TMOD2: variants seen among roughly 807,000 people sequenced by gnomAD.
TMOD2 encodes the protein tropomodulin-2.
In TMOD2, 22 loss-of-function variants were observed where a neutral mutation model predicts 39.9. The observed-to-expected ratio is 0.55, with a 90% CI of 0.39 to 0.79. The LOEUF (loss-of-function observed/expected upper bound fraction) is 0.79, where lower values mean the gene tolerates loss of function less well. Among genes scored for constraint, TMOD2 ranks in the 30% least tolerant of loss-of-function variants. The probability of loss-of-function intolerance (pLI) is 0.00; values close to 1 mark genes in which losing one functional copy is unlikely to be tolerated. For missense variants in TMOD2, 386 were observed against 413.3 expected (o/e 0.93, Z 0.57); for synonymous variants, 123 against 146.1 (o/e 0.84, Z 1.14).
intron 3 of TMOD2, among the ~76,000 whole-genome samples, chr15:51,772,442 G>A (rs867573165): frequency 1.3e-5 from 2 of 152,178 alleles, no homozygotes; most frequent in Admixed American, 6.5e-5. Flanking sequence ...GGCCTGGCTC[G>A]AAGTTAGGAG....
Position 51,798,185 on chromosome 15 carries a change from T to G in TMOD2, c.733-12T>G, listed in dbSNP as rs757900807. On this transcript the variant is annotated splice_polypyrimidine_tract_variant and intron_variant, in intron 7 of 9. Coordinates refer to ENST00000249700, the MANE Select transcript of TMOD2 (RefSeq NM_014548.4). ...ACTTAATTCTAAGTTTTTTTTCTTT[T>G]TGCATCATAAGGCTTTTGCAGACAT... The G allele has an allele frequency of 6.4e-7, 1 of 1,568,084 alleles. No individual in the cohort carries two copies. Among genetic ancestry groups the G allele is most frequent in the African/African-American group, 1.4e-5 (1 of 71,952 alleles).
chr15:51,790,899 T>C (rs1367856662), intron 7 of TMOD2, among the ~76,000 whole-genome samples: 2 of 152,188 alleles, frequency 1.3e-5, no homozygotes, highest in Admixed American at 6.5e-5. Flanking sequence ...GCCAATATTA[T>C]ACTGAATGGG....
intron 5 of TMOD2, among the ~76,000 whole-genome samples, chr15:51,777,775 G>C (rs1368763340): frequency 6.6e-6 from 1 of 152,176 alleles, no homozygotes; most frequent in African/African-American, 2.4e-5. Flanking sequence ...GAATCCAGCA[G>C]CACATCAAAA....
At chr15:51,769,832 C>G (rs1369667997) in intron 3 of TMOD2, among the ~76,000 whole-genome samples, 1 of 152,008 alleles carries the variant, frequency 6.6e-6, no homozygotes, top group Admixed American at 6.6e-5. Flanking sequence ...CCAAGGAGTT[C>G]AAGACCAGCC....
At chr15:51,781,818 G>GAGAGA (rs2055932441) in intron 6 of TMOD2, among the ~76,000 whole-genome samples, 1 of 127,394 alleles carries the variant, frequency 7.8e-6, no homozygotes, top group South Asian at 2.4e-4. Context: ...GAGAGAGAGA[G>GAGAGA]AGAGAGTGTG....
intron 1 of TMOD2, 65 bp downstream of exon 1, chr15:51,751,777 G>C (rs1256747036): frequency 4.0e-5 from 6 of 150,648 alleles, no homozygotes; most frequent in African/African-American, 1.5e-4. Context: ...CCCCGGGCCC[G>C]CAGCGCGGTG....
rs1034906426 is a variant in TMOD2, at chr15:51,768,163, C to T, written c.127-99C>T. 7 of 1,418,516 alleles carry T rather than the reference C, an allele frequency of 4.9e-6. No homozygotes were observed. In the Admixed American group the frequency reaches 5.5e-5, roughly 11 times the overall value. The allele number at this position is 1,418,516 out of a possible 1,614,324, so 87.9% of individuals were successfully genotyped here. ...ACGCACATTCTGCGTAGGTATCCTT[C>T]CTGCTTCCCCAGCACATAGTGAGTG... On this transcript the variant is annotated intron_variant, in intron 2 of 9. Transcript: ENST00000249700.
chr15:51,760,022 AG>A (rs775301183), intron 1 of TMOD2, among the ~76,000 whole-genome samples: 58 of 152,328 alleles, frequency 3.8e-4, no homozygotes, highest in South Asian at 6.2e-4. Flanking sequence ...CCAGACAGAA[AG>A]GGAACCCATT....
chr15:51,793,397 G>T (rs2056025888), intron 7 of TMOD2, among the ~76,000 whole-genome samples: 1 of 152,026 alleles, frequency 6.6e-6, no homozygotes, highest in South Asian at 2.1e-4. Context: ...TTGAAATCCA[G>T]TGTGTTTTAT....
intron 8 of TMOD2, among the ~76,000 whole-genome samples, chr15:51,802,945 C>T (rs543182046): frequency 5.3e-5 from 8 of 152,248 alleles, no homozygotes; most frequent in African/African-American, 1.7e-4. Context: ...GCAAGAGTTC[C>T]TCCATAAACT....
At chr15:51,781,611 A>G (rs986604129) in intron 6 of TMOD2, among the ~76,000 whole-genome samples, 3 of 152,186 alleles carry the variant, frequency 2.0e-5, no homozygotes, top group African/African-American at 7.2e-5. Flanking sequence ...AAGATGGCAG[A>G]TTCATGCGGC....
rs915873887 is a variant in TMOD2, at chr15:51,768,385, G to C, written c.250G>C (p.Glu84Gln). Reference protein sequence around the residue: ...EKEALEQKDREDFVPFTGEKK... With the variant: ...EKEALEQKDRQDFVPFTGEKK... ...GGAGGCTTTGGAACAGAAAGACAGAGAGGACTTTGTGCCCTTCACTGGAGA... is the reference window on the plus strand; with the variant it reads ...GGAGGCTTTGGAACAGAAAGACAGACAGGACTTTGTGCCCTTCACTGGAGA... Residue 84 changes from glutamate to glutamine, a missense_variant, in exon 3 of 10, where the codon GAG (glutamate) becomes CAG (glutamine). Coordinates refer to ENST00000249700, the MANE Select transcript of TMOD2 (RefSeq NM_014548.4). 3 of 1,614,064 alleles carry C rather than the reference G, an allele frequency of 1.9e-6. No individual in the cohort carries two copies. The highest frequency in any genetic ancestry group is 1.3e-5 in the African/African-American group (1 of 75,008).
At chr15:51,785,406 T>A (rs1372307683) in intron 7 of TMOD2, among the ~76,000 whole-genome samples, 3 of 78,420 alleles carry the variant, frequency 3.8e-5, no homozygotes, top group Non-Finnish European at 7.3e-5. Flanking sequence ...AGTGAGACTC[T>A]GTCTCAAAAA....
intron 7 of TMOD2, chr15:51,784,243 A>G (rs1304278047): frequency 6.6e-6 from 1 of 152,258 alleles, no homozygotes; most frequent in Non-Finnish European, 1.5e-5. Context: ...ATTTGCTAAA[A>G]TATGTCACTT....
chr15:51,756,332 A>G (rs2055741554), intron 1 of TMOD2: 1 of 152,250 alleles, frequency 6.6e-6, no homozygotes, highest in Non-Finnish European at 1.5e-5. Flanking sequence ...GGGAAAACAG[A>G]GGGAAAGAAC....
At position 51,813,764 on chromosome 15, in the gene TMOD2, C is replaced by T. The variant is rs1473785942; in HGVS notation, c.*5310C>T. 6.6e-6 allele frequency: 1 copy of T among 152,238 alleles called. No homozygotes were observed. 9.4% of individuals were successfully genotyped at this position (152,238 alleles called of 1,614,324 possible). Reference sequence around the variant, plus strand: ...TAAAATGGGAATAATACTTCACTAACTACCTCACAGAGTTGTGGTAAGAAT... The same window carrying T: ...TAAAATGGGAATAATACTTCACTAATTACCTCACAGAGTTGTGGTAAGAAT... On this transcript the variant is annotated 3_prime_UTR_variant, in exon 10 of 10. Transcript: ENST00000249700.
chr15:51,768,799 C>T (rs1389331487), intron 3 of TMOD2, among the ~76,000 whole-genome samples: 26 of 152,114 alleles, frequency 1.7e-4, no homozygotes, highest in Non-Finnish European at 3.1e-4. Flanking sequence ...GGGAAATAAG[C>T]CCATGAACTG....
chr15:51,785,206 A>T (rs2055959936), intron 7 of TMOD2, among the ~76,000 whole-genome samples: 1 of 152,070 alleles, frequency 6.6e-6, no homozygotes, highest in South Asian at 2.1e-4. Flanking sequence ...AGGTCAGGAG[A>T]TCGAGACCAT....
Position 51,811,845 on chromosome 15 carries a change from A to G in TMOD2, c.*3391A>G, listed in dbSNP as rs936154619. 4 of 151,470 alleles carry G rather than the reference A, an allele frequency of 2.6e-5. No homozygotes were observed. The highest frequency in any genetic ancestry group is 9.7e-5 in the African/African-American group (4 of 41,188). 9.4% of individuals were successfully genotyped at this position (151,470 alleles called of 1,614,324 possible). On this transcript the variant is annotated 3_prime_UTR_variant, in exon 10 of 10. Coordinates refer to ENST00000249700, the MANE Select transcript of TMOD2 (RefSeq NM_014548.4). ...TTTGCAGTTTATGTTACCAACCACC[A>G]CATTTTATAGCTATGTAGAGGATGA...
Sources: allele counts gnomAD v4.1 joint callset (sites outside exome capture counted in the v4.1 genomes callset), GRCh38; gene constraint gnomAD v4.1.1; transcripts MANE v1.5; gene names NCBI Gene and HGNC (gene_info 2026-07-23, HGNC 2026-07-21).